The following GARNL3 variants were observed in gnomAD, a reference collection of about 807,000 sequenced individuals.
GARNL3 encodes GTPase-activating Rap/Ran-GAP domain-like protein 3.
GARNL3 carries 63 observed loss-of-function variants against 125.0 expected under a neutral mutation model. The ratio of observed to expected loss-of-function variants is 0.50; its 90% CI spans 0.41 to 0.62. The LOEUF (loss-of-function observed/expected upper bound fraction) is 0.62. GARNL3 is among the 20% of genes least tolerant of loss of function. GARNL3 has a pLI of 0.00. For missense variants in GARNL3, 994 were observed against 1,244.0 expected, an observed-to-expected ratio of 0.80 and a Z score of 3.02; for synonymous variants, 439 against 457.5, an observed-to-expected ratio of 0.96 and a Z score of 0.52.
chr9:127,235,972 T>C (rs1021826534), intron 1 of GARNL3, among the ~76,000 whole-genome samples: 3 of 152,224 alleles, frequency 2.0e-5, no homozygotes, highest in Non-Finnish European at 2.9e-5. Context: ...TTATATCTGA[T>C]GGAAGTGATC....
intron 22 of GARNL3, 86 bp downstream of exon 22, chr9:127,365,452 ATT>A: frequency 9.3e-7 from 1 of 1,071,738 alleles, no homozygotes; most frequent in East Asian, 2.4e-5. Context: ...TTGTCCTTAG[ATT>A]TACCCAGTGT....
At chr9:127,287,576 C>T (rs2064287815) in intron 1 of GARNL3, among the ~76,000 whole-genome samples, 1 of 152,232 alleles carries the variant, frequency 6.6e-6, no homozygotes, top group Non-Finnish European at 1.5e-5. Flanking sequence ...CCACAGCCCC[C>T]TCTGCTTTAG....
At chr9:127,320,519 G>A (rs1423975268) in intron 5 of GARNL3, among the ~76,000 whole-genome samples, 196 bp from the exon 6 acceptor site, 1 of 152,204 alleles carries the variant, frequency 6.6e-6, no homozygotes, top group Non-Finnish European at 1.5e-5. Flanking sequence ...CCTCTCTTAT[G>A]AGTATCACTA....
chr9:127,245,728 T>G (rs1564845188), intron 2 of GARNL3, among the ~76,000 whole-genome samples: 1 of 152,250 alleles, frequency 6.6e-6, no homozygotes, highest in Non-Finnish European at 1.5e-5. Flanking sequence ...CTAAATGCAT[T>G]TTCTCATTTA....
chr9:127,291,120 G>A (rs1471077927), intron 1 of GARNL3, 48 bp from the exon 2 acceptor site: 2 of 1,564,708 alleles, frequency 1.3e-6, no homozygotes, highest in Non-Finnish European at 1.8e-6. Flanking sequence ...CATACAGATA[G>A]AAGAGACATT....
intron 2 of GARNL3, among the ~76,000 whole-genome samples, chr9:127,310,229 TTTATAGTAATTA>T (rs1313290559): frequency 1.3e-5 from 2 of 152,196 alleles, no homozygotes; most frequent in Non-Finnish European, 2.9e-5. Flanking sequence ...GGGGGAATTT[TTTATAGTAATTA>T]AGCAAAAGCC....
intron 17 of GARNL3, among the ~76,000 whole-genome samples, chr9:127,350,297 G>T (rs114808154): frequency 7.0e-4 from 106 of 152,264 alleles, no homozygotes; most frequent in Non-Finnish European, 1.4e-3. Flanking sequence ...AAGATGCTGA[G>T]AATAGTTTAT....
At chr9:127,288,192 G>A (rs2779728) in intron 1 of GARNL3, among the ~76,000 whole-genome samples, 115,566 of 152,098 alleles carry the variant, frequency 0.76, 44,146 homozygotes, top group African/African-American at 0.81. Flanking sequence ...AGTGCCCCAA[G>A]AACTGACAAC....
In GARNL3 at chr9:127,354,321, G is replaced by A. The variant is rs1044431607; in HGVS notation, c.1670G>A (p.Arg557Lys). 1.9e-6 allele frequency: 3 copies of A among 1,613,720 alleles called. No homozygotes were observed. Among genetic ancestry groups the A allele is most frequent in the Non-Finnish European group, 2.5e-6 (3 of 1,179,840 alleles). Residue 557 changes from arginine to lysine, a missense_variant, in exon 19 of 28, where the codon AGG becomes AAG. Physicochemically the swap from Arg to Lys is conservative, Grantham distance 26. Around this residue, in one of 5 missense-constraint regions of GARNL3, gnomAD observed 728 missense variants for 865.7 expected, o/e 0.84. Coordinates refer to ENST00000373387, the MANE Select transcript of GARNL3 (RefSeq NM_032293.5). ...AAAGATGCTCGCCTCTTTGTCTTCA[G>A]GCTAAGTGCTCTGCAAAAGGGCCTT... ...KGKDARLFVF[R>K]LSALQKGLEG...
intron 2 of GARNL3, among the ~76,000 whole-genome samples, chr9:127,301,864 T>C (rs936898111): frequency 6.7e-6 from 1 of 149,744 alleles, no homozygotes. Flanking sequence ...TAGTAGATGG[T>C]GCAGCAGAGG....
chr9:127,367,598 A>G (rs969276093), intron 22 of GARNL3, among the ~76,000 whole-genome samples: 6 of 152,224 alleles, frequency 3.9e-5, no homozygotes, highest in Non-Finnish European at 5.9e-5. Context: ...TATTACCAGA[A>G]TCTGTCTTTA....
At chr9:127,321,331 G>A (rs1018863788) in intron 6 of GARNL3, among the ~76,000 whole-genome samples, 20 of 152,058 alleles carry the variant, frequency 1.3e-4, no homozygotes, top group Non-Finnish European at 2.5e-4. Flanking sequence ...CATGTTAGCT[G>A]GTCTCAAACT....
At chr9:127,347,266 A>T (rs779205283) in intron 16 of GARNL3, among the ~76,000 whole-genome samples, 25 of 151,824 alleles carry the variant, frequency 1.6e-4, no homozygotes, top group South Asian at 8.3e-4. Flanking sequence ...AAAAAAAATT[A>T]AAAAAATTAG....
At chr9:127,275,308 A>G (rs1430011184) in intron 1 of GARNL3, among the ~76,000 whole-genome samples, 3 of 152,260 alleles carry the variant, frequency 2.0e-5, no homozygotes, top group Admixed American at 6.5e-5. Context: ...GTTTTTGCCA[A>G]TCTTTCCCCA....
chr9:127,278,147 G>A (rs2064005931), intron 1 of GARNL3, among the ~76,000 whole-genome samples: 1 of 152,106 alleles, frequency 6.6e-6, no homozygotes, highest in African/African-American at 2.4e-5. Context: ...GGAATACATA[G>A]TCATTATAGA....
chr9:127,267,412 G>A (rs563004679), intron 1 of GARNL3, among the ~76,000 whole-genome samples: 47 of 151,764 alleles, frequency 3.1e-4, no homozygotes, highest in Middle Eastern at 6.8e-3. Context: ...ATTTAATTTC[G>A]CATTCTTCTT....
At chr9:127,256,317 C>G (rs1193309834) in intron 2 of GARNL3, among the ~76,000 whole-genome samples, 1 of 152,204 alleles carries the variant, frequency 6.6e-6, no homozygotes. Flanking sequence ...TCCCAGGTTT[C>G]TGGATGATGG....
chr9:127,240,720 T>C (rs1351514429), intron 1 of GARNL3, among the ~76,000 whole-genome samples: 3 of 152,134 alleles, frequency 2.0e-5, no homozygotes, highest in Admixed American at 6.5e-5. Flanking sequence ...GTGGGCAACA[T>C]AGGGAGACCC....
chr9:127,290,337 G>A (rs1317233269), intron 1 of GARNL3, among the ~76,000 whole-genome samples: 1 of 152,128 alleles, frequency 6.6e-6, no homozygotes, highest in African/African-American at 2.4e-5. Context: ...GTGAAAACGT[G>A]AGGTAACCAT....
Sources: allele counts gnomAD v4.1 joint callset (sites outside exome capture counted in the v4.1 genomes callset), GRCh38; gene constraint gnomAD v4.1.1; regional missense constraint gnomAD v4.1.1; transcripts MANE v1.5; gene names NCBI Gene and HGNC (gene_info 2026-07-23, HGNC 2026-07-21).